FOXP1: variants seen among roughly 807,000 people sequenced by gnomAD.
FOXP1 encodes the protein forkhead box protein P1.
Under a neutral mutation model 98.2 loss-of-function variants are expected in FOXP1, and 15 were observed. That is an observed-to-expected ratio of 0.15 (90% CI 0.10 to 0.24). The LOEUF (loss-of-function observed/expected upper bound fraction) is 0.24. FOXP1 is among the 10% of genes least tolerant of loss of function. The pLI, the probability that FOXP1 is intolerant of heterozygous loss-of-function variation, is 1.00. For synonymous variants in FOXP1, 371 were observed against 314.5 expected (o/e 1.18, Z -1.90); for missense variants, 633 against 848.5 (o/e 0.75, Z 3.15).
chr3:71,260,225 C>T (rs573985371), intron 5 of FOXP1, among the ~76,000 whole-genome samples: 43 of 152,272 alleles, frequency 2.8e-4, no homozygotes, highest in Admixed American at 2.1e-3. Flanking sequence ...CCTTGTGATC[C>T]GCCCGCCTCA....
intron 14 of FOXP1, among the ~76,000 whole-genome samples, chr3:70,981,107 C>T (rs2038755523): frequency 6.7e-6 from 1 of 149,148 alleles, no homozygotes; most frequent in South Asian, 2.1e-4. Flanking sequence ...ATAGACAAAT[C>T]CCACAGTAAA....
Position 71,026,583 on chromosome 3 carries a change from G to A in FOXP1, c.870-10930C>T, listed in dbSNP as rs146719452. 1.5e-3 allele frequency among the ~76,000 whole-genome samples: 230 copies of A among 152,264 alleles called. 1 individual carries two copies. The highest frequency in any genetic ancestry group is 5.2e-3 in the African/African-American group (216 of 41,560). On this transcript the variant is annotated intron_variant, in intron 11 of 20. Transcript: ENST00000649528. ...TAGAGCTTCTTCCTCCAGATTTAAG[G>A]GCATCTCATTTGTAAGCTATCTATG...
At chr3:71,328,257 C>T (rs1422067541) in intron 4 of FOXP1, among the ~76,000 whole-genome samples, 3 of 151,644 alleles carry the variant, frequency 2.0e-5, no homozygotes, top group South Asian at 2.1e-4. Context: ...GGTAAAACCC[C>T]GTTTCTACCA....
rs181125708 is a variant in FOXP1 at position 70,961,123 on chromosome 3, C to T, written c.1890-1732G>A. On this transcript the variant is annotated intron_variant, in intron 20 of 20. Coordinates refer to ENST00000649528, the MANE Select transcript of FOXP1 (RefSeq NM_001349338.3). ...CTGGGATTACAGGCGTGAGCCACTG[C>T]GCCCGGCTGCTAAAAAAATAATTTC... Among the ~76,000 whole-genome samples, 663 of 150,798 alleles carry T rather than the reference C, an allele frequency of 4.4e-3. 7 individuals are homozygous for T. The highest frequency in any genetic ancestry group is 3.5e-3 in the Non-Finnish European group (235 of 67,674).
chr3:71,191,305 C>A (rs561770547), intron 6 of FOXP1, among the ~76,000 whole-genome samples: 2 of 152,276 alleles, frequency 1.3e-5, no homozygotes, highest in Admixed American at 1.3e-4. Flanking sequence ...AGTCATACCT[C>A]CTGAAAGTTC....
At chr3:71,378,194 G>C (rs1344023074) in intron 3 of FOXP1, among the ~76,000 whole-genome samples, 1 of 23,632 alleles carries the variant, frequency 4.2e-5, no homozygotes, top group Non-Finnish European at 2.0e-4. Flanking sequence ...TCTTTTCTGG[G>C]TCGCTAGCTT....
chr3:71,358,678 C>T (rs1316169170), intron 4 of FOXP1, among the ~76,000 whole-genome samples: 3 of 152,136 alleles, frequency 2.0e-5, no homozygotes, highest in Admixed American at 2.0e-4. Flanking sequence ...GTCAAATGTC[C>T]GTTTTTGATG....
At chr3:71,079,728 G>A (rs897484698) in intron 7 of FOXP1, among the ~76,000 whole-genome samples, 8 of 152,134 alleles carry the variant, frequency 5.3e-5, no homozygotes, top group African/African-American at 1.9e-4. Context: ...AGAGAGGTCC[G>A]GCCCTGCCTC....
chr3:71,223,872 GT>G (rs1192056780), intron 5 of FOXP1, among the ~76,000 whole-genome samples: 4 of 152,144 alleles, frequency 2.6e-5, no homozygotes, highest in Non-Finnish European at 5.9e-5. Context: ...ATACTTAGGA[GT>G]CACTCAGCAG....
intron 5 of FOXP1, among the ~76,000 whole-genome samples, chr3:71,259,552 A>G (rs574122967): frequency 2.6e-5 from 4 of 152,312 alleles, no homozygotes; most frequent in African/African-American, 7.2e-5. Context: ...CCTGTGTTGG[A>G]AGAAAACTAA....
chr3:71,549,747 C>T (rs1309119691), intron 2 of FOXP1, among the ~76,000 whole-genome samples: 1 of 151,274 alleles, frequency 6.6e-6, no homozygotes, highest in East Asian at 1.9e-4. Flanking sequence ...GGGAACAAAA[C>T]TGTCTCAATT....
chr3:71,393,007 A>C, intron 3 of FOXP1, among the ~76,000 whole-genome samples: 1 of 152,192 alleles, frequency 6.6e-6, no homozygotes, highest in East Asian at 1.9e-4. Flanking sequence ...TAGCCTGATA[A>C]TTTACTAATG....
At chr3:71,440,427 T>C (rs1174984782) in intron 3 of FOXP1, among the ~76,000 whole-genome samples, 4 of 151,942 alleles carry the variant, frequency 2.6e-5, no homozygotes, top group Admixed American at 2.0e-4. Flanking sequence ...CCTGTAATCC[T>C]AGCATTTTAG....
Position 71,207,328 on chromosome 3 carries a change from GATCTATGACACACTTC to G in FOXP1, c.-11-8952_-11-8937del, listed in dbSNP as rs1285906457. 2.6e-5 allele frequency among the ~76,000 whole-genome samples: 4 copies of G among 151,158 alleles called. No individual in the cohort carries two copies. The East Asian group carries it at 7.8e-4, about 30-fold the overall frequency. ...CATAACATAGATTAATGACTGGCGT[GATCTATGACACACTTC>G]ACGTATCTCCCGCTTTGGCTCAAGC... is the stretch of plus-strand genomic sequence containing the variant. On this transcript the variant is annotated intron_variant, in intron 5 of 20. Transcript: ENST00000649528.
At chr3:71,337,402 C>T (rs1258356876) in intron 4 of FOXP1, among the ~76,000 whole-genome samples, 1 of 152,176 alleles carries the variant, frequency 6.6e-6, no homozygotes, top group Non-Finnish European at 1.5e-5. Flanking sequence ...ACAATGGCTA[C>T]CTTTTATACA....
intron 7 of FOXP1, among the ~76,000 whole-genome samples, chr3:71,055,120 CAT>C (rs540919956): frequency 1.1e-3 from 170 of 152,312 alleles, no homozygotes; most frequent in Non-Finnish European, 1.9e-3. Flanking sequence ...GACTTTTTCA[CAT>C]GATTTGTCCT....
At chr3:71,327,663 AG>A (rs2075999068) in intron 4 of FOXP1, among the ~76,000 whole-genome samples, 1 of 152,022 alleles carries the variant, frequency 6.6e-6, no homozygotes, top group South Asian at 2.1e-4. Flanking sequence ...CTAGGTTTAC[AG>A]GTGTGAGCCA....
chr3:71,220,248 T>A (rs901615137), intron 5 of FOXP1, among the ~76,000 whole-genome samples: 3 of 152,170 alleles, frequency 2.0e-5, no homozygotes, highest in Non-Finnish European at 4.4e-5. Flanking sequence ...AATGAATGAA[T>A]GAAATATTAT....
At chr3:71,173,067 A>G (rs189682825) in intron 6 of FOXP1, among the ~76,000 whole-genome samples, 29 of 152,076 alleles carry the variant, frequency 1.9e-4, no homozygotes, top group South Asian at 6.2e-4. Flanking sequence ...ACATTCTCAG[A>G]TTTTTCGCAA....
Sources: gnomAD v4.1 joint callset for allele counts (sites outside exome capture counted in the v4.1 genomes callset) on GRCh38, gnomAD v4.1.1 for gene constraint, MANE v1.5 for transcripts, NCBI Gene and HGNC (gene_info 2026-07-23, HGNC 2026-07-21) for gene names.